Variants in ANKRD12 observed in about 807,000 individuals in gnomAD.
ANKRD12 encodes the protein ankyrin repeat domain-containing protein 12.
A neutral mutation model predicts 183.4 loss-of-function variants in ANKRD12; 85 were observed. The ratio of observed to expected loss-of-function variants is 0.46; its 90% CI spans 0.39 to 0.56. ANKRD12 has a LOEUF of 0.56. ANKRD12 is among the 20% of genes least tolerant of loss of function. ANKRD12 has a pLI of 0.00. For synonymous variants in ANKRD12, 914 were observed against 800.2 expected (o/e 1.14, Z -2.40); for missense variants, 2,405 against 2,357.1 (o/e 1.02, Z -0.42).
At chr18:9,149,793 A>ATTTATTT (rs2078620199) in intron 1 of ANKRD12, among the ~76,000 whole-genome samples, 1 of 145,056 alleles carries the variant, frequency 6.9e-6, no homozygotes, top group Non-Finnish European at 1.5e-5. Context: ...TATTTATTAA[A>ATTTATTT]TTTTATTTTT....
intron 1 of ANKRD12, among the ~76,000 whole-genome samples, chr18:9,169,679 G>A (rs1444445895): frequency 1.3e-5 from 2 of 152,170 alleles, no homozygotes; most frequent in East Asian, 1.9e-4. Context: ...TTGCCAGTCT[G>A]TGTCTTTTAA....
intron 2 of ANKRD12, among the ~76,000 whole-genome samples, chr18:9,195,117 A>C (rs2034696603): frequency 6.6e-6 from 1 of 152,198 alleles, no homozygotes; most frequent in Admixed American, 6.5e-5. Context: ...TGATCTCATA[A>C]GTGGGAGCTA....
At chr18:9,151,252 T>A (rs905503737) in intron 1 of ANKRD12, among the ~76,000 whole-genome samples, 2 of 152,306 alleles carry the variant, frequency 1.3e-5, no homozygotes, top group African/African-American at 4.8e-5. Context: ...GTGAGGGAAT[T>A]AAGCTGCTTG....
rs528543969 is a variant in ANKRD12, at chr18:9,214,865, C to A, written c.653-1893C>A. On this transcript the variant is annotated intron_variant, in intron 6 of 12. Transcript: ENST00000262126. ...TAAAACATTCTTTTATCTCATGCAG[C>A]TTTTATGCGAATGCAAGATTGCTAT... 2.0e-5 allele frequency among the ~76,000 whole-genome samples: 3 copies of A among 152,194 alleles called. No homozygotes were observed. In the South Asian group the frequency reaches 6.2e-4, roughly 32 times the overall value.
At chr18:9,267,086 A>G (rs997773348) in intron 10 of ANKRD12, among the ~76,000 whole-genome samples, 1 of 152,204 alleles carries the variant, frequency 6.6e-6, no homozygotes, top group Non-Finnish European at 1.5e-5. Context: ...ATATATATGC[A>G]CCCAATACAG....
chr18:9,198,824 G>A (rs2034998772), intron 3 of ANKRD12, among the ~76,000 whole-genome samples: 1 of 152,136 alleles, frequency 6.6e-6, no homozygotes. Context: ...GGGATTACAG[G>A]AGTGAGCCAA....
Position 9,258,491 on chromosome 18 carries a change from A to G in ANKRD12, c.5224A>G (p.Thr1742Ala), listed in dbSNP as rs774535690. The G allele has an allele frequency of 1.2e-6, 2 of 1,613,832 alleles. No homozygotes were observed. The highest frequency in any genetic ancestry group is 8.5e-7 in the Non-Finnish European group (1 of 1,179,958). Residue 1742 changes from threonine to alanine, a missense_variant, in exon 9 of 13, where the codon ACA (threonine) becomes GCA (alanine). Thr to Ala is a moderately conservative substitution (Grantham distance 58). Transcript: ENST00000262126. ...PQRMTRNKANTMANQSKQILA... is the reference protein window; with the variant it reads ...PQRMTRNKANAMANQSKQILA... ...AAGAATGACTAGAAACAAAGCAAAT[A>G]CAATGGCAAATCAAAGCAAACAGAT...
At position 9,263,896 on chromosome 18, in the gene ANKRD12, A is replaced by T. The variant is rs750497882; in HGVS notation, c.5763+8A>T. 7.0e-7 allele frequency: 1 copy of T among 1,432,038 alleles called. No homozygotes were observed. Among genetic ancestry groups the T allele is most frequent in the Middle Eastern group, 1.8e-4 (1 of 5,586 alleles). 88.7% of individuals were successfully genotyped at this position (1,432,038 alleles called of 1,614,324 possible). A position where few individuals can be genotyped will look rare whatever the true frequency, so the allele number is the denominator to read the frequency against. Reference sequence around the variant, plus strand: ...CAACACAGTATTGAAAGGGTAAGAAATGTTTAAATTTACACTTATGCTAAA... The same window carrying T: ...CAACACAGTATTGAAAGGGTAAGAATTGTTTAAATTTACACTTATGCTAAA... On this transcript the variant is annotated splice_region_variant and intron_variant, in intron 10 of 12. Coordinates refer to ENST00000262126, the MANE Select transcript of ANKRD12 (RefSeq NM_015208.5).
At chr18:9,179,342 C>T (rs542621887) in intron 1 of ANKRD12, among the ~76,000 whole-genome samples, 5 of 152,228 alleles carry the variant, frequency 3.3e-5, no homozygotes, top group African/African-American at 4.8e-5. Flanking sequence ...CCAACATCCA[C>T]GCCTCATTGT....
intron 1 of ANKRD12, among the ~76,000 whole-genome samples, chr18:9,160,206 C>T (rs1341926372): frequency 1.3e-5 from 2 of 152,152 alleles, no homozygotes; most frequent in South Asian, 2.1e-4. Flanking sequence ...ACCTCAGCTA[C>T]GTGGACTCAG....
At chr18:9,166,198 T>A (rs1235024964) in intron 1 of ANKRD12, among the ~76,000 whole-genome samples, 1 of 152,190 alleles carries the variant, frequency 6.6e-6, no homozygotes, top group African/African-American at 2.4e-5. Context: ...CATGTGTCTT[T>A]ATAGCAGCAT....
In ANKRD12 at chr18:9,156,245, A is replaced by G. The variant is rs188966826; in HGVS notation, c.-52+19280A>G. ...CTAATACTTATATGGTTTAATTTTTATATTTTTTTTGTCCCAGATGCCAAC... is the reference window on the plus strand; with the variant it reads ...CTAATACTTATATGGTTTAATTTTTGTATTTTTTTTGTCCCAGATGCCAAC... On this transcript the variant is annotated intron_variant, in intron 1 of 12. Transcript: ENST00000262126. Among the ~76,000 whole-genome samples the G allele has an allele frequency of 2.6e-3, 396 of 151,230 alleles. 1 individual carries two copies. Among genetic ancestry groups the G allele is most frequent in the South Asian group, 4.4e-3 (21 of 4,786 alleles).
intron 1 of ANKRD12, among the ~76,000 whole-genome samples, chr18:9,155,077 C>G (rs962235774): frequency 3.3e-5 from 5 of 152,072 alleles, no homozygotes; most frequent in Admixed American, 2.0e-4. Flanking sequence ...TAGACCTAGC[C>G]TAAAATGCTG....
Position 9,254,731 on chromosome 18 carries a change from A to G in ANKRD12, c.1464A>G (p.Leu488=). 1 of 1,496,180 alleles carries G rather than the reference A, an allele frequency of 6.7e-7. No homozygotes were observed. The highest frequency in any genetic ancestry group is 8.9e-7 in the Non-Finnish European group (1 of 1,124,754). 92.7% of individuals were successfully genotyped at this position (1,496,180 alleles called of 1,614,324 possible). A position where few individuals can be genotyped will look rare whatever the true frequency, so the allele number is the denominator to read the frequency against. Reference sequence around the variant, plus strand: ...ATAAAAATAAAGAGAACCAAGAGCTAAAGCAAGAAAAGGAAGGAAAAGAAA... The same window carrying G: ...ATAAAAATAAAGAGAACCAAGAGCTGAAGCAAGAAAAGGAAGGAAAAGAAA... The part of the protein sequence containing the change: ...NQNKNKENQE[L]KQEKEGKENT... Residue 488 remains leucine (L), a synonymous_variant, in exon 9 of 13, where the codon CTA becomes CTG. Transcript: ENST00000262126.
chr18:9,161,906 A>G (rs2031479848), intron 1 of ANKRD12, among the ~76,000 whole-genome samples: 1 of 151,926 alleles, frequency 6.6e-6, no homozygotes, highest in South Asian at 2.1e-4. Flanking sequence ...CTCTGTTGCC[A>G]GGCTGGAGTG....
intron 1 of ANKRD12, among the ~76,000 whole-genome samples, chr18:9,151,670 C>G (rs1427666652): frequency 1.3e-5 from 2 of 152,056 alleles, no homozygotes; most frequent in African/African-American, 4.8e-5. Context: ...GTCTTTTTTT[C>G]TCAAATCAAT....
intron 8 of ANKRD12, among the ~76,000 whole-genome samples, chr18:9,237,104 T>C (rs1598647300): frequency 6.6e-6 from 1 of 152,142 alleles, no homozygotes; most frequent in African/African-American, 2.4e-5. Context: ...CAACAACTTA[T>C]GAAGTGGTTA....
At chr18:9,214,394 A>G (rs147616292) in intron 6 of ANKRD12, among the ~76,000 whole-genome samples, 1 of 152,278 alleles carries the variant, frequency 6.6e-6, no homozygotes, top group East Asian at 1.9e-4. Flanking sequence ...TACTCCTGTA[A>G]TAATTGCATA....
chr18:9,204,427 T>G (rs2035362924), intron 3 of ANKRD12, 49 bp from the exon 4 acceptor site: 1 of 1,338,224 alleles, frequency 7.5e-7, no homozygotes, highest in Admixed American at 1.8e-5. Context: ...AATTCTGCAT[T>G]TCCCTCCGTG....
Sources: allele counts gnomAD v4.1 joint callset (sites outside exome capture counted in the v4.1 genomes callset), GRCh38; gene constraint gnomAD v4.1.1; transcripts MANE v1.5; gene names NCBI Gene and HGNC (gene_info 2026-07-23, HGNC 2026-07-21).